SH3BP5: variants seen among roughly 807,000 people sequenced by gnomAD.
SH3BP5 encodes SH3 domain-binding protein 5.
Under a neutral mutation model 43.3 loss-of-function variants are expected in SH3BP5, and 22 were observed. That is an observed-to-expected ratio of 0.51 (90% confidence interval 0.36 to 0.73). The LOEUF (loss-of-function observed/expected upper bound fraction) is 0.73. Among genes scored for constraint, SH3BP5 ranks in the 30% least tolerant of loss-of-function variants. The pLI, the probability that SH3BP5 is intolerant of heterozygous loss-of-function variation, is 0.00. For synonymous variants in SH3BP5, 255 were observed against 225.8 expected (o/e 1.13, Z -1.16); for missense variants, 529 against 586.9 (o/e 0.90, Z 1.02).
chr3:15,309,136 G>GA (rs1364409315), intron 2 of SH3BP5, among the ~76,000 whole-genome samples: 1 of 151,886 alleles, frequency 6.6e-6, no homozygotes, highest in African/African-American at 2.4e-5. Context: ...TCACTCAAAT[G>GA]AAAAAAATCA....
intron 4 of SH3BP5, among the ~76,000 whole-genome samples, chr3:15,266,515 C>G (rs1404029557): frequency 6.6e-6 from 1 of 152,240 alleles, no homozygotes; most frequent in Non-Finnish European, 1.5e-5. Flanking sequence ...CAGCCCTCCT[C>G]TCTCAGAGGA....
At chr3:15,301,634 C>T (rs534303127) in intron 3 of SH3BP5, among the ~76,000 whole-genome samples, 42 of 152,154 alleles carry the variant, frequency 2.8e-4, no homozygotes, top group African/African-American at 8.9e-4. Flanking sequence ...AAGGGATAGA[C>T]ATTTGAGCAG....
rs189925164 is a variant in SH3BP5 at position 15,291,365 on chromosome 3, C to T, written c.330+12738G>A. Reference sequence around the variant, plus strand: ...AAACTACTTTCTCTCTCTGGCTGATCAACACTACAAATTCCCTTTTGGTAG... The same window carrying T: ...AAACTACTTTCTCTCTCTGGCTGATTAACACTACAAATTCCCTTTTGGTAG... On this transcript the variant is annotated intron_variant, in intron 3 of 8. Coordinates refer to ENST00000383791, the MANE Select transcript of SH3BP5 (RefSeq NM_004844.5). Among the ~76,000 whole-genome samples the T allele has an allele frequency of 7.9e-5, 12 of 152,268 alleles. No individual in the cohort carries two copies. The East Asian group carries it at 1.2e-3, about 15-fold the overall frequency.
intron 7 of SH3BP5, chr3:15,258,527 C>T (rs917701739): frequency 1.2e-5 from 5 of 419,450 alleles, no homozygotes; most frequent in African/African-American, 2.0e-5. Context: ...AATCTGATTA[C>T]AGCTCTTCTT....
chr3:15,305,518 T>C (rs1186150995), intron 2 of SH3BP5, among the ~76,000 whole-genome samples: 1 of 152,204 alleles, frequency 6.6e-6, no homozygotes, highest in South Asian at 2.1e-4. Context: ...CCAGTCGCCA[T>C]GGAACTCAGC....
chr3:15,285,795 G>C (rs1697251183), intron 3 of SH3BP5, among the ~76,000 whole-genome samples: 1 of 152,178 alleles, frequency 6.6e-6, no homozygotes, highest in Non-Finnish European at 1.5e-5. Flanking sequence ...ACTTCCCTGG[G>C]TCACTCAGCA....
rs533784874 is a variant in SH3BP5 at position 15,300,298 on chromosome 3, C to G, written c.330+3805G>C. ...GGGATTCCATTGTCAAACACATTAT[C>G]TCACTTAAATCCTAAGGCCAACCTC... On this transcript the variant is annotated intron_variant, in intron 3 of 8. Coordinates refer to ENST00000383791, the MANE Select transcript of SH3BP5 (RefSeq NM_004844.5). Among the ~76,000 whole-genome samples the G allele has an allele frequency of 2.6e-5, 4 of 152,234 alleles. No homozygotes were observed. In the South Asian group the frequency reaches 8.3e-4, roughly 32 times the overall value.
chr3:15,324,499 G>A (rs1698410764), intron 2 of SH3BP5, among the ~76,000 whole-genome samples: 2 of 152,248 alleles, frequency 1.3e-5, no homozygotes, highest in African/African-American at 4.8e-5. Context: ...AAGAAGGTCA[G>A]GGGTGTAGGG....
In SH3BP5 at chr3:15,256,920, C is replaced by T; in HGVS notation, c.1083G>A (p.Met361Ile). The T allele has an allele frequency of 6.2e-7, 1 of 1,614,176 alleles. No individual in the cohort carries two copies. Among genetic ancestry groups the T allele is most frequent in the Non-Finnish European group, 8.5e-7 (1 of 1,180,014 alleles). The change falls in exon 8 of 9, where the codon ATG (methionine) becomes ATA (isoleucine). Residue 361 changes from methionine (M) to isoleucine (I), a missense_variant. Met to Ile is a conservative substitution (Grantham distance 10). Coordinates refer to ENST00000383791, the MANE Select transcript of SH3BP5 (RefSeq NM_004844.5). ...CACTTCGAGGGCCCAACACTGGGAA[C>T]ATCATCCCAAACTCTGACAGGGACA... The part of the protein sequence containing the change: ...SPVSLSEFGM[M>I]FPVLGPRSEC...
At chr3:15,265,562 C>T (rs986548902) in intron 4 of SH3BP5, among the ~76,000 whole-genome samples, 1 of 61,176 alleles carries the variant, frequency 1.6e-5, no homozygotes, top group Non-Finnish European at 3.2e-5. Context: ...ACACACACAA[C>T]CCTCCAGCTC....
At chr3:15,334,250 G>A (rs1674307390), upstream of SH3BP5, among the ~76,000 whole-genome samples, 1 of 152,058 alleles carries the variant, frequency 6.6e-6, no homozygotes. Flanking sequence ...GGAGATCTGG[G>A]CCAGCTATAG....
At chr3:15,256,712 A>C in intron 8 of SH3BP5, 141 bp downstream of exon 8, 2 of 1,008,056 alleles carry the variant, frequency 2.0e-6, no homozygotes, top group Non-Finnish European at 2.8e-6. Flanking sequence ...AACCTCAGTG[A>C]TCAATACTGA....
intron 8 of SH3BP5, 161 bp from the exon 9 acceptor site, chr3:15,256,464 C>T (rs982806907): frequency 1.7e-5 from 12 of 723,586 alleles, no homozygotes; most frequent in Non-Finnish European, 2.6e-5. Flanking sequence ...TGTTACCTAC[C>T]GTGCCTATCA....
At chr3:15,265,559 C>CACACACACACACA (rs1285577992) in intron 4 of SH3BP5, among the ~76,000 whole-genome samples, 1 of 142,820 alleles carries the variant, frequency 7.0e-6, no homozygotes, top group Non-Finnish European at 1.6e-5. Flanking sequence ...CACACACACA[C>CACACACACACACA]AACCCTCCAG....
rs2125034539 is a variant in SH3BP5, at chr3:15,256,164, C to T, written c.1290G>A (p.Arg430=). 1 of 1,614,206 alleles carries T rather than the reference C, an allele frequency of 6.2e-7. No homozygotes were observed. The highest frequency in any genetic ancestry group is 2.2e-5 in the East Asian group (1 of 44,886). Reference sequence around the variant, plus strand: ...AGCACTGTAGGGAGAGCTGCTTCATCCGGTTCTCCAAGGCCTGGCCCTCAG... The same window carrying T: ...AGCACTGTAGGGAGAGCTGCTTCATTCGGTTCTCCAAGGCCTGGCCCTCAG... The part of the protein sequence containing the change: ...TSPEGQALEN[R]MKQLSLQCSK... Residue 430 remains arginine (R), a synonymous_variant, in exon 9 of 9, where the codon CGG becomes CGA. Coordinates refer to ENST00000383791, the MANE Select transcript of SH3BP5 (RefSeq NM_004844.5).
chr3:15,261,600 A>C (rs1046682411), intron 5 of SH3BP5, among the ~76,000 whole-genome samples: 19 of 152,194 alleles, frequency 1.2e-4, no homozygotes, highest in African/African-American at 4.3e-4. Context: ...TTGGGAATGA[A>C]GCAGGGGGCT....
chr3:15,315,091 TC>T (rs1698152841), intron 2 of SH3BP5, among the ~76,000 whole-genome samples: 1 of 152,156 alleles, frequency 6.6e-6, no homozygotes, highest in Non-Finnish European at 1.5e-5. Context: ...CTGATTCTAA[TC>T]CTGTGACAAC....
chr3:15,332,154 G>A (rs1698628048), intron 1 of SH3BP5, 117 bp downstream of exon 1: 1 of 1,475,504 alleles, frequency 6.8e-7, no homozygotes, highest in Admixed American at 2.0e-5. Flanking sequence ...CACCCTATGT[G>A]GCCGCCAGTC....
chr3:15,265,514 A>T (rs182367968), intron 4 of SH3BP5, among the ~76,000 whole-genome samples: 91 of 53,214 alleles, frequency 1.7e-3, no homozygotes, highest in African/African-American at 5.4e-3. Context: ...AGACTCCGTC[A>T]CACACACACA....
Sources: allele counts gnomAD v4.1 joint callset (sites outside exome capture counted in the v4.1 genomes callset), GRCh38; gene constraint gnomAD v4.1.1; transcripts MANE v1.5; gene names NCBI Gene and HGNC (gene_info 2026-07-23, HGNC 2026-07-21).